MAML2: variants seen among roughly 807,000 people sequenced by gnomAD.
The protein encoded by MAML2 is mastermind like transcriptional coactivator 2, also known as mastermind-like protein 2.
MAML2 carries 22 observed loss-of-function variants against 96.1 expected under a neutral mutation model. The ratio of observed to expected loss-of-function variants is 0.23; its 90% confidence interval spans 0.16 to 0.33. The LOEUF (loss-of-function observed/expected upper bound fraction) is 0.33. Ranked by LOEUF, MAML2 falls within the 10% of genes least tolerant of loss-of-function variation. The pLI, the probability that MAML2 is intolerant of heterozygous loss-of-function variation, is 1.00. For missense variants in MAML2, 1,367 were observed against 1,392.4 expected, an observed-to-expected ratio of 0.98 and a Z score of 0.29; for synonymous variants, 561 against 521.3, an observed-to-expected ratio of 1.08 and a Z score of -1.04.
chr11:96,216,087 C>T (rs1862045989), intron 1 of MAML2, among the ~76,000 whole-genome samples: 1 of 152,046 alleles, frequency 6.6e-6, no homozygotes, highest in African/African-American at 2.4e-5. Flanking sequence ...TCACATGTCC[C>T]AGTCCACAGG....
At chr11:96,328,394 G>C (rs918682964) in intron 1 of MAML2, among the ~76,000 whole-genome samples, 3 of 151,982 alleles carry the variant, frequency 2.0e-5, no homozygotes, top group African/African-American at 7.3e-5. Flanking sequence ...ATGAAGCTGA[G>C]TGTGTCTACT....
intron 1 of MAML2, among the ~76,000 whole-genome samples, chr11:96,159,205 T>C (rs1316298069): frequency 6.6e-6 from 1 of 152,186 alleles, no homozygotes; most frequent in Non-Finnish European, 1.5e-5. Context: ...TGAAACTTAC[T>C]GCCAAGCAGT....
chr11:96,286,025 G>A (rs926659347), intron 1 of MAML2, among the ~76,000 whole-genome samples: 6 of 152,100 alleles, frequency 3.9e-5, no homozygotes, highest in Admixed American at 6.5e-5. Context: ...ACATGCATGC[G>A]TATGTTCATT....
intron 1 of MAML2, among the ~76,000 whole-genome samples, chr11:96,276,493 T>C (rs1256856073): frequency 6.6e-6 from 1 of 152,200 alleles, no homozygotes; most frequent in Non-Finnish European, 1.5e-5. Context: ...AGTCCTTGTC[T>C]GTCTTTGAAC....
At chr11:96,168,914 GC>G (rs1343900578) in intron 1 of MAML2, among the ~76,000 whole-genome samples, 1 of 152,200 alleles carries the variant, frequency 6.6e-6, no homozygotes, top group African/African-American at 2.4e-5. Flanking sequence ...AATTGGCAAC[GC>G]AGCAATGGTA....
At chr11:96,037,588 C>G (rs1317628453) in intron 2 of MAML2, among the ~76,000 whole-genome samples, 1 of 152,164 alleles carries the variant, frequency 6.6e-6, no homozygotes, top group Non-Finnish European at 1.5e-5. Flanking sequence ...ACTATGACTT[C>G]TGAGTTTTGA....
intron 1 of MAML2, among the ~76,000 whole-genome samples, chr11:96,216,044 A>T (rs926981980): frequency 6.6e-6 from 1 of 152,206 alleles, no homozygotes; most frequent in Admixed American, 6.5e-5. Flanking sequence ...TGCTTAAAAA[A>T]AAAATAGAGT....
At chr11:96,192,883 T>C (rs1861674648) in intron 1 of MAML2, among the ~76,000 whole-genome samples, 1 of 152,258 alleles carries the variant, frequency 6.6e-6, no homozygotes, top group Non-Finnish European at 1.5e-5. Flanking sequence ...GCAAGCTATC[T>C]GACACTGCCT....
chr11:96,157,103 A>G (rs985855722), intron 1 of MAML2, among the ~76,000 whole-genome samples: 1 of 152,248 alleles, frequency 6.6e-6, no homozygotes, highest in Non-Finnish European at 1.5e-5. Flanking sequence ...ACAAGAAGAG[A>G]TTGATAAACA....
At chr11:96,043,936 A>T (rs1455405204) in intron 2 of MAML2, among the ~76,000 whole-genome samples, 6 of 152,254 alleles carry the variant, frequency 3.9e-5, no homozygotes, top group Non-Finnish European at 8.8e-5. Flanking sequence ...TCCATAATGG[A>T]CTTAAAATAA....
intron 1 of MAML2, among the ~76,000 whole-genome samples, chr11:96,311,653 CAT>C: frequency 6.6e-6 from 1 of 152,318 alleles, no homozygotes; most frequent in East Asian, 1.9e-4. Context: ...TATAGGAAAA[CAT>C]ATGTCCAAGT....
At chr11:96,266,570 C>CAA (rs560997492) in intron 1 of MAML2, among the ~76,000 whole-genome samples, 1 of 120,224 alleles carries the variant, frequency 8.3e-6, no homozygotes, top group African/African-American at 3.1e-5. Flanking sequence ...GACTCCGTCT[C>CAA]AAAAAAAAAA....
At chr11:96,147,768 C>T (rs528313958) in intron 1 of MAML2, among the ~76,000 whole-genome samples, 1 of 152,198 alleles carries the variant, frequency 6.6e-6, no homozygotes, top group South Asian at 2.1e-4. Flanking sequence ...TAGTTTTTTA[C>T]ACTCCAGTAT....
intron 2 of MAML2, among the ~76,000 whole-genome samples, chr11:96,015,465 G>A (rs1426516361): frequency 6.7e-6 from 1 of 150,280 alleles, no homozygotes. Flanking sequence ...TGACCATTAT[G>A]GTTTACTGTG....
intron 1 of MAML2, among the ~76,000 whole-genome samples, chr11:96,219,997 G>A (rs1255301666): frequency 2.0e-5 from 3 of 152,194 alleles, no homozygotes; most frequent in South Asian, 4.1e-4. Context: ...GTTGATGCAT[G>A]TATAGTGTTA....
intron 2 of MAML2, among the ~76,000 whole-genome samples, chr11:96,025,946 TAACA>T (rs2135741212): frequency 6.6e-6 from 1 of 152,320 alleles, no homozygotes; most frequent in African/African-American, 2.4e-5. Flanking sequence ...AAACCCCAGC[TAACA>T]TTTATTGAGG....
chr11:96,125,304 C>A (rs905521887), intron 1 of MAML2, among the ~76,000 whole-genome samples: 3 of 151,990 alleles, frequency 2.0e-5, no homozygotes, highest in African/African-American at 7.2e-5. Context: ...CTGTGAGGTC[C>A]CTGAGCCACA....
At chr11:96,102,302 A>C (rs1385648721) in intron 1 of MAML2, among the ~76,000 whole-genome samples, 1 of 152,154 alleles carries the variant, frequency 6.6e-6, no homozygotes, top group Admixed American at 6.5e-5. Flanking sequence ...CAACAACAAC[A>C]AAAACCACTG....
intron 2 of MAML2, among the ~76,000 whole-genome samples, chr11:96,020,639 G>GTGAC (rs1858422708): frequency 6.6e-6 from 1 of 152,224 alleles, no homozygotes; most frequent in South Asian, 2.1e-4. Context: ...TGAGAGCTAG[G>GTGAC]TGACTGAAGC....
Sources: gnomAD v4.1 joint callset for allele counts (sites outside exome capture counted in the v4.1 genomes callset) on GRCh38, gnomAD v4.1.1 for gene constraint, MANE v1.5 for transcripts, NCBI Gene and HGNC (gene_info 2026-07-23, HGNC 2026-07-21) for gene names.